Variants in NEBL observed in about 807,000 individuals in gnomAD.
The protein encoded by NEBL is nebulette, also known as LIM and SH3 protein 2.
Under a neutral mutation model 140.2 loss-of-function variants are expected in NEBL, and 122 were observed. The ratio of observed to expected loss-of-function variants is 0.87; its 90% CI spans 0.75 to 1.01. NEBL has a LOEUF of 1.01. NEBL is among the 50% of genes least tolerant of loss of function. The pLI, the probability that NEBL is intolerant of heterozygous loss-of-function variation, is 0.00. For synonymous variants in NEBL, 436 were observed against 398.9 expected (o/e 1.09, Z -1.11); for missense variants, 1,365 against 1,231.3 (o/e 1.11, Z -1.62).
At chr10:21,084,216 G>T (rs1275016526) in intron 2 of NEBL, among the ~76,000 whole-genome samples, 2 of 152,222 alleles carry the variant, frequency 1.3e-5, no homozygotes, top group Non-Finnish European at 2.9e-5. Flanking sequence ...TCATTTAACC[G>T]CAAGTGGTCA....
At chr10:21,214,961 A>G (rs1213610960) in intron 3 of NEBL, among the ~76,000 whole-genome samples, 1 of 151,974 alleles carries the variant, frequency 6.6e-6, no homozygotes, top group Non-Finnish European at 1.5e-5. Context: ...CCTGCCGGGG[A>G]GGAGCAATAA....
At chr10:21,077,508 G>A (rs1002168259) in intron 2 of NEBL, among the ~76,000 whole-genome samples, 1 of 152,116 alleles carries the variant, frequency 6.6e-6, no homozygotes, top group African/African-American at 2.4e-5. Flanking sequence ...TCGGGAGGCT[G>A]AGGCAGGAGA....
At chr10:21,163,438 G>A (rs1840636147) in intron 2 of NEBL, among the ~76,000 whole-genome samples, 1 of 152,176 alleles carries the variant, frequency 6.6e-6, no homozygotes, top group African/African-American at 2.4e-5. Flanking sequence ...GTATGCGTTT[G>A]CTGCAGTGTT....
In NEBL at chr10:20,831,552, A is replaced by C. The variant is rs761599878; in HGVS notation, c.1481T>G (p.Ile494Ser). 1.2e-6 allele frequency: 2 copies of C among 1,611,050 alleles called. No homozygotes were observed. The highest frequency in any genetic ancestry group is 1.7e-6 in the Non-Finnish European group (2 of 1,178,178). Reference sequence around the variant, plus strand: ...GCTCACCTGCATCCCTTTCCCTTTAATTTCAGTCTCCAGATCTCTTTTATA... The same window carrying C: ...GCTCACCTGCATCCCTTTCCCTTTACTTTCAGTCTCCAGATCTCTTTTATA... ...KDYKRDLETE[I>S]KGKGMQVSTD... The change falls in exon 15 of 28, where the codon ATT (isoleucine) becomes AGT (serine). Residue 494 changes from isoleucine (I) to serine (S), a missense_variant. Physicochemically the swap from Ile to Ser is moderately radical, Grantham distance 142. Transcript: ENST00000377122.
At chr10:21,116,774 A>G (rs1838303149) in intron 2 of NEBL, among the ~76,000 whole-genome samples, 1 of 152,016 alleles carries the variant, frequency 6.6e-6, no homozygotes, top group Non-Finnish European at 1.5e-5. Flanking sequence ...GATTTAAGCA[A>G]TCCTCCCACC....
chr10:20,899,395 T>C, upstream of NEBL: 1 of 1,303,790 alleles, frequency 7.7e-7, no homozygotes, highest in Non-Finnish European at 1.0e-6. Flanking sequence ...AGGCTTGCAG[T>C]GCAGTTATTT....
intron 2 of NEBL, among the ~76,000 whole-genome samples, chr10:21,022,381 G>C (rs528652539): frequency 6.6e-6 from 1 of 152,048 alleles, no homozygotes; most frequent in African/African-American, 2.4e-5. Flanking sequence ...ATCATTTGTC[G>C]GTGCAGATAA....
chr10:20,937,516 C>T (rs141655771), intron 4 of NEBL, among the ~76,000 whole-genome samples: 1,653 of 152,086 alleles, frequency 0.011, 23 homozygotes, highest in African/African-American at 0.03. Context: ...GTGTGAGTGA[C>T]GCAGAAAACA....
chr10:21,140,285 C>T (rs1049364912), intron 2 of NEBL, among the ~76,000 whole-genome samples: 2 of 152,072 alleles, frequency 1.3e-5, no homozygotes, highest in African/African-American at 4.8e-5. Context: ...AAAATATGAG[C>T]GTTTTCAAAC....
chr10:21,053,152 A>G (rs987088470), intron 2 of NEBL, among the ~76,000 whole-genome samples: 1 of 152,240 alleles, frequency 6.6e-6, no homozygotes, highest in Non-Finnish European at 1.5e-5. Context: ...ATGAAAATAA[A>G]TAAATACATA....
At chr10:20,803,213 G>A (rs1837285874) in intron 26 of NEBL, among the ~76,000 whole-genome samples, 1 of 152,118 alleles carries the variant, frequency 6.6e-6, no homozygotes, top group South Asian at 2.1e-4. Flanking sequence ...GATGACTATA[G>A]TTAGCAAGAA....
At chr10:21,221,263 A>C (rs1842062422) in intron 3 of NEBL, among the ~76,000 whole-genome samples, 1 of 152,212 alleles carries the variant, frequency 6.6e-6, no homozygotes, top group Non-Finnish European at 1.5e-5. Context: ...TACACTGTAA[A>C]TATATACAAC....
At chr10:20,987,435 A>G (rs1837299207) in intron 3 of NEBL, among the ~76,000 whole-genome samples, 1 of 151,690 alleles carries the variant, frequency 6.6e-6, no homozygotes, top group Non-Finnish European at 1.5e-5. Context: ...AATCTTTCTC[A>G]TTTCTTCACC....
rs71578958 is a variant in NEBL at position 20,815,557 on chromosome 10, G to A, written c.2241+68C>T. 4.7e-3 allele frequency: 5,709 copies of A among 1,209,090 alleles called. 212 individuals carry two copies. The East Asian group carries it at 0.092, about 19-fold the overall frequency. 74.9% of individuals were successfully genotyped at this position (1,209,090 alleles called of 1,614,324 possible). A position where few individuals can be genotyped will look rare whatever the true frequency, so the allele number is the denominator to read the frequency against. On this transcript the variant is annotated intron_variant, in intron 22 of 27. Coordinates refer to ENST00000377122, the MANE Select transcript of NEBL (RefSeq NM_006393.3). ...AATAAGTTTTATTTTCACAAGCAAA[G>A]GAGGACCGCAAGTAAATAATAAAAG...
intron 2 of NEBL, among the ~76,000 whole-genome samples, chr10:21,033,753 A>AAG (rs71392108): frequency 0.58 from 85,333 of 147,018 alleles, 25,131 homozygotes; most frequent in East Asian, 0.72. Flanking sequence ...AAAAAAAAAA[A>AAG]AAAGAAAGAA....
chr10:21,108,922 TGTA>T, intron 2 of NEBL, among the ~76,000 whole-genome samples: 1 of 152,324 alleles, frequency 6.6e-6, no homozygotes, highest in East Asian at 1.9e-4. Flanking sequence ...GTTTTCTAAA[TGTA>T]CAATCATGTC....
At chr10:21,254,124 A>G (rs1312564664) in intron 1 of NEBL, among the ~76,000 whole-genome samples, 1 of 152,182 alleles carries the variant, frequency 6.6e-6, no homozygotes, top group Non-Finnish European at 1.5e-5. Context: ...TCATATGTAG[A>G]ATTTTAAAAT....
intron 3 of NEBL, among the ~76,000 whole-genome samples, chr10:21,223,627 G>T (rs1264814651): frequency 1.3e-5 from 2 of 152,138 alleles, no homozygotes; most frequent in African/African-American, 2.4e-5. Flanking sequence ...ACCTCCAATT[G>T]TTCTCCATAG....
At chr10:20,798,774 T>G (rs971789644) in intron 26 of NEBL, among the ~76,000 whole-genome samples, 7 of 152,334 alleles carry the variant, frequency 4.6e-5, no homozygotes, top group African/African-American at 1.4e-4. Flanking sequence ...AGTTTAAGTG[T>G]CAGATGTTTC....
Sources: allele counts gnomAD v4.1 joint callset (sites outside exome capture counted in the v4.1 genomes callset), GRCh38; gene constraint gnomAD v4.1.1; transcripts MANE v1.5; gene names NCBI Gene and HGNC (gene_info 2026-07-23, HGNC 2026-07-21).